NR6A1: variants seen among roughly 807,000 people sequenced by gnomAD.
NR6A1 encodes the protein nuclear receptor subfamily 6 group A member 1, also known as retinoic acid receptor-related testis-associated receptor.
Under a neutral mutation model 59.1 loss-of-function variants are expected in NR6A1, and 7 were observed. The observed-to-expected ratio is 0.12, with a 90% CI of 0.07 to 0.22. The LOEUF is 0.22. Ranked by LOEUF, NR6A1 falls within the 10% of genes least tolerant of loss-of-function variation. The pLI, the probability that NR6A1 is intolerant of heterozygous loss-of-function variation, is 1.00. For missense variants in NR6A1, 468 were observed against 611.6 expected, an observed-to-expected ratio of 0.77 and a Z score of 2.48; for synonymous variants, 243 against 236.1, an observed-to-expected ratio of 1.03 and a Z score of -0.27.
At chr9:124,743,598 C>T (rs930148178) in intron 1 of NR6A1, among the ~76,000 whole-genome samples, 21 of 152,126 alleles carry the variant, frequency 1.4e-4, no homozygotes, top group African/African-American at 4.1e-4. Context: ...ATAGTTTTTC[C>T]GGCTTCTAGC....
intron 2 of NR6A1, among the ~76,000 whole-genome samples, chr9:124,697,539 C>T (rs972812273): frequency 2.0e-5 from 3 of 151,896 alleles, no homozygotes; most frequent in Non-Finnish European, 4.4e-5. Context: ...ATAGAGTAAG[C>T]ATTCCAAGCA....
chr9:124,642,303 G>A (rs945149954), intron 2 of NR6A1, among the ~76,000 whole-genome samples: 2 of 152,204 alleles, frequency 1.3e-5, no homozygotes, highest in Non-Finnish European at 2.9e-5. Flanking sequence ...GCCCACCTTG[G>A]CCTCCCAAAG....
intron 2 of NR6A1, among the ~76,000 whole-genome samples, chr9:124,641,915 G>A (rs1836776764): frequency 1.3e-5 from 2 of 152,216 alleles, no homozygotes; most frequent in South Asian, 4.1e-4. Context: ...GGAGCTCACT[G>A]TAATAGTACA....
At chr9:124,689,921 G>A (rs1191190467) in intron 2 of NR6A1, among the ~76,000 whole-genome samples, 1 of 152,076 alleles carries the variant, frequency 6.6e-6, no homozygotes, top group Non-Finnish European at 1.5e-5. Context: ...TAGCTCCCTA[G>A]TCAGATAGTG....
intron 4 of NR6A1, among the ~76,000 whole-genome samples, 154 bp downstream of exon 4, chr9:124,543,647 CT>C (rs1190235320): frequency 1.3e-5 from 2 of 152,142 alleles, no homozygotes; most frequent in Non-Finnish European, 2.9e-5. Flanking sequence ...TTTCAAAGCA[CT>C]TTCACATCCA....
At chr9:124,732,396 G>A (rs1463308607) in intron 2 of NR6A1, among the ~76,000 whole-genome samples, 1 of 152,130 alleles carries the variant, frequency 6.6e-6, no homozygotes, top group African/African-American at 2.4e-5. Context: ...TAACCATTAT[G>A]ACTATGTGTC....
At chr9:124,570,456 G>C (rs1272042291) in intron 2 of NR6A1, among the ~76,000 whole-genome samples, 1 of 152,192 alleles carries the variant, frequency 6.6e-6, no homozygotes, top group African/African-American at 2.4e-5. Context: ...TGTAGGCCTA[G>C]AAACAAACTA....
intron 2 of NR6A1, among the ~76,000 whole-genome samples, chr9:124,594,120 T>C (rs964674242): frequency 1.3e-5 from 2 of 149,216 alleles, no homozygotes; most frequent in Non-Finnish European, 3.0e-5. Flanking sequence ...ACCTCTTTTG[T>C]AAGCAGTTGA....
intron 2 of NR6A1, among the ~76,000 whole-genome samples, chr9:124,687,458 A>C (rs560015473): frequency 2.0e-5 from 3 of 152,170 alleles, no homozygotes; most frequent in Admixed American, 2.0e-4. Context: ...AGCTAAAGTA[A>C]CCTGATATAA....
intron 3 of NR6A1, among the ~76,000 whole-genome samples, 188 bp from the exon 4 acceptor site, chr9:124,544,045 T>C (rs906432080): frequency 4.6e-5 from 7 of 152,214 alleles, no homozygotes; most frequent in African/African-American, 7.2e-5. Context: ...TAGGCAGCAA[T>C]ATTTTGGGGC....
intron 2 of NR6A1, among the ~76,000 whole-genome samples, chr9:124,601,491 G>T (rs1459431740): frequency 6.6e-6 from 1 of 150,822 alleles, no homozygotes; most frequent in African/African-American, 2.4e-5. Flanking sequence ...GGCTGAGGCA[G>T]GAGAATGGCG....
At chr9:124,725,505 C>T (rs1008839823) in intron 2 of NR6A1, among the ~76,000 whole-genome samples, 3 of 152,212 alleles carry the variant, frequency 2.0e-5, no homozygotes, top group Non-Finnish European at 1.5e-5. Flanking sequence ...CAACCACTGC[C>T]ATGCACAACT....
At chr9:124,769,534 T>C (rs1281740590) in intron 1 of NR6A1, among the ~76,000 whole-genome samples, 2 of 152,254 alleles carry the variant, frequency 1.3e-5, no homozygotes, top group Non-Finnish European at 2.9e-5. Flanking sequence ...ACTGTCCTGA[T>C]TGAGAAACCT....
At chr9:124,702,190 C>A (rs563972453) in intron 2 of NR6A1, among the ~76,000 whole-genome samples, 1 of 152,134 alleles carries the variant, frequency 6.6e-6, no homozygotes. Context: ...GAGGTCTTTG[C>A]CTAACCCAAG....
intron 2 of NR6A1, among the ~76,000 whole-genome samples, chr9:124,697,880 A>C (rs1838819327): frequency 6.6e-6 from 1 of 152,232 alleles, no homozygotes. Context: ...TAGGAGATAC[A>C]ACAATAGTAT....
At chr9:124,591,362 A>T (rs559012346) in intron 2 of NR6A1, among the ~76,000 whole-genome samples, 2 of 152,310 alleles carry the variant, frequency 1.3e-5, no homozygotes, top group East Asian at 1.9e-4. Flanking sequence ...ATTGAGGTTC[A>T]TAGAGGTCAA....
At chr9:124,647,101 A>C (rs771620877) in intron 2 of NR6A1, among the ~76,000 whole-genome samples, 5 of 152,128 alleles carry the variant, frequency 3.3e-5, no homozygotes, top group Non-Finnish European at 5.9e-5. Flanking sequence ...TTTTGTAGAG[A>C]CAAGGTCTCA....
At position 124,711,187 on chromosome 9, in the gene NR6A1, T is replaced by TAAA. The variant is rs58609931; in HGVS notation, c.142+22118_142+22120dup. Among the ~76,000 whole-genome samples, 60 of 66,490 alleles carry TAAA rather than the reference T, an allele frequency of 9.0e-4. 1 individual carries two copies. Among genetic ancestry groups the TAAA allele is most frequent in the African/African-American group, 2.4e-3 (39 of 15,996 alleles). The allele number at this position is 66,490 out of a possible 152,430, so 43.6% of individuals were successfully genotyped here. On this transcript the variant is annotated intron_variant, in intron 2 of 9. Coordinates refer to ENST00000487099, the MANE Select transcript of NR6A1 (RefSeq NM_033334.4). ...TTACATGCCTAAGTCAGCTAAGGTTTAAAAAAAAAAAAAAAAAAAAAAAAA... is the reference window on the plus strand; with the variant it reads ...TTACATGCCTAAGTCAGCTAAGGTTTAAAAAAAAAAAAAAAAAAAAAAAAAAAA...
intron 2 of NR6A1, among the ~76,000 whole-genome samples, chr9:124,711,655 C>T (rs1389837470): frequency 2.0e-5 from 3 of 152,176 alleles, no homozygotes; most frequent in Non-Finnish European, 4.4e-5. Context: ...TAAGGGTCTA[C>T]TCTATTACTT....
Sources: allele counts gnomAD v4.1 joint callset (sites outside exome capture counted in the v4.1 genomes callset), GRCh38; gene constraint gnomAD v4.1.1; transcripts MANE v1.5; gene names NCBI Gene and HGNC (gene_info 2026-07-23, HGNC 2026-07-21).